The following ANAPC16 variants were observed in gnomAD, a reference collection of about 807,000 sequenced individuals.
The protein encoded by ANAPC16 is anaphase-promoting complex subunit 16.
In ANAPC16, 6 loss-of-function variants were observed where a neutral mutation model predicts 13.1. The ratio of observed to expected loss-of-function variants is 0.46; its 90% CI spans 0.25 to 0.90. ANAPC16 has a LOEUF of 0.90. ANAPC16 is among the 40% of genes least tolerant of loss of function. ANAPC16 has a pLI of 0.18. For synonymous variants in ANAPC16, 55 were observed against 51.3 expected, an observed-to-expected ratio of 1.07 and a Z score of -0.31; for missense variants, 113 against 131.1, an observed-to-expected ratio of 0.86 and a Z score of 0.67.
chr10:72,224,542 G>A (rs753017805), intron 2 of ANAPC16, among the ~76,000 whole-genome samples: 6 of 151,782 alleles, frequency 4.0e-5, no homozygotes, highest in Non-Finnish European at 8.8e-5. Context: ...GAACCTGGGA[G>A]GTAGAAGTTG....
intron 1 of ANAPC16, among the ~76,000 whole-genome samples, chr10:72,221,547 CTTTT>C (rs910872494): frequency 1.1e-5 from 1 of 91,350 alleles, no homozygotes; most frequent in Non-Finnish European, 2.1e-5. Context: ...TTTTTCTTTT[CTTTT>C]TTTTTTTTTT....
At chr10:72,228,602 A>G (rs575724751) in intron 2 of ANAPC16, among the ~76,000 whole-genome samples, 1 of 152,230 alleles carries the variant, frequency 6.6e-6, no homozygotes, top group East Asian at 1.9e-4. Flanking sequence ...ACAGTTTCTA[A>G]ATGGAAGAGA....
intron 1 of ANAPC16, among the ~76,000 whole-genome samples, chr10:72,217,522 CCCT>C (rs1195919846): frequency 5.3e-5 from 8 of 151,448 alleles, no homozygotes; most frequent in Non-Finnish European, 7.4e-5. Flanking sequence ...AAGGCACTGG[CCCT>C]CCTCCTGAAC....
In ANAPC16 at chr10:72,233,102, C is replaced by T. The variant is rs1219678101; in HGVS notation, c.319C>T (p.Pro107Ser). Reference sequence around the variant, plus strand: ...CATCGAGCAGCTGCTGGGATTCACCCCCTCTTCAGGTTGATACTGCCTGGA... The same window carrying T: ...CATCGAGCAGCTGCTGGGATTCACCTCCTCTTCAGGTTGATACTGCCTGGA... ...KPIEQLLGFTPSSG is the reference protein window; with the variant it reads ...KPIEQLLGFTSSSG The change falls in exon 4 of 4, where the codon CCC (proline) becomes TCC (serine). Residue 107 changes from proline to serine, a missense_variant. Physicochemically the swap from Pro to Ser is moderately conservative, Grantham distance 74. Coordinates refer to ENST00000299381, the MANE Select transcript of ANAPC16 (RefSeq NM_173473.4). The T allele has an allele frequency of 1.2e-6, 2 of 1,613,966 alleles. No individual in the cohort carries two copies. Among genetic ancestry groups the T allele is most frequent in the Admixed American group, 3.3e-5 (2 of 59,998 alleles).
At position 72,233,559 on chromosome 10, in the gene ANAPC16, G is replaced by A. The variant is rs1860390187; in HGVS notation, c.*443G>A. On this transcript the variant is annotated 3_prime_UTR_variant, in exon 4 of 4. Coordinates refer to ENST00000299381, the MANE Select transcript of ANAPC16 (RefSeq NM_173473.4). The stretch of plus-strand genomic sequence containing the variant: ...TAAAAAAGTTATTTTGCAGATGAAT[G>A]TGTTTTCAACTCAGGACCTATCCAA... The A allele has an allele frequency of 6.5e-6, 1 of 152,698 alleles. No individual in the cohort carries two copies. The highest frequency in any genetic ancestry group is 1.5e-5 in the Non-Finnish European group (1 of 67,484). 9.5% of individuals were successfully genotyped at this position (152,698 alleles called of 1,614,324 possible).
At chr10:72,231,199 C>G (rs185079639) in intron 3 of ANAPC16, among the ~76,000 whole-genome samples, 269 of 152,190 alleles carry the variant, frequency 1.8e-3, no homozygotes, top group African/African-American at 6.2e-3. Context: ...GGATTTTAGT[C>G]CACAAATCAC....
At chr10:72,231,382 A>T (rs1375044978) in intron 3 of ANAPC16, among the ~76,000 whole-genome samples, 1 of 152,050 alleles carries the variant, frequency 6.6e-6, no homozygotes, top group Admixed American at 6.6e-5. Context: ...TAAAAAAAGA[A>T]AATACAAAAA....
chr10:72,227,876 CAAA>C (rs57330798), intron 2 of ANAPC16, among the ~76,000 whole-genome samples: 11 of 76,598 alleles, frequency 1.4e-4, no homozygotes, highest in African/African-American at 3.5e-4. Context: ...ACTAAAAATA[CAAA>C]AAAAAAAAAA....
intron 1 of ANAPC16, among the ~76,000 whole-genome samples, chr10:72,218,157 AAAAAAAAAATATATATAT>A (rs1433266712): frequency 4.0e-4 from 20 of 50,262 alleles, no homozygotes; most frequent in Admixed American, 1.9e-3. Flanking sequence ...AAAAAAAAAA[AAAAAAAAAATATATATAT>A]ATATATATAT....
intron 3 of ANAPC16, among the ~76,000 whole-genome samples, chr10:72,231,915 G>A (rs1023652964): frequency 1.1e-4 from 17 of 151,914 alleles, no homozygotes; most frequent in Non-Finnish European, 1.6e-4. Context: ...GGCCGGGCAC[G>A]GTGGCTCATG....
At chr10:72,224,353 C>A (rs1269744124) in intron 2 of ANAPC16, among the ~76,000 whole-genome samples, 1 of 152,164 alleles carries the variant, frequency 6.6e-6, no homozygotes, top group Non-Finnish European at 1.5e-5. Context: ...TGGCTCACTC[C>A]TGTTATCCCA....
At chr10:72,221,449 A>G (rs1034328131) in intron 1 of ANAPC16, among the ~76,000 whole-genome samples, 1 of 152,064 alleles carries the variant, frequency 6.6e-6, no homozygotes, top group Non-Finnish European at 1.5e-5. Context: ...ACATGAAGCT[A>G]CTGGCAACCA....
chr10:72,218,880 T>C (rs1171829551), intron 1 of ANAPC16, among the ~76,000 whole-genome samples: 1 of 152,164 alleles, frequency 6.6e-6, no homozygotes, highest in African/African-American at 2.4e-5. Flanking sequence ...CCTGGCTGTT[T>C]TGTGTGTGGA....
intron 2 of ANAPC16, among the ~76,000 whole-genome samples, chr10:72,228,911 A>T (rs1459664745): frequency 6.6e-6 from 1 of 152,190 alleles, no homozygotes; most frequent in African/African-American, 2.4e-5. Flanking sequence ...GAGAGGTGGC[A>T]CTTTCAGGAG....
At position 72,233,025 on chromosome 10, in the gene ANAPC16, A is replaced by G. The variant is rs1342557088; in HGVS notation, c.242A>G (p.Lys81Arg). 1.9e-6 allele frequency: 3 copies of G among 1,614,150 alleles called. No individual in the cohort carries two copies. The highest frequency in any genetic ancestry group is 2.5e-6 in the Non-Finnish European group (3 of 1,180,008). Residue 81 changes from lysine to arginine, a missense_variant, in exon 4 of 4, where the codon AAA (lysine) becomes AGA (arginine). Physicochemically the swap from Lys to Arg is conservative, Grantham distance 26 (BLOSUM62 2). Coordinates refer to ENST00000299381, the MANE Select transcript of ANAPC16 (RefSeq NM_173473.4). ...KHDQQVARMEKLAGLVEELEA... is the reference protein window; with the variant it reads ...KHDQQVARMERLAGLVEELEA... ...GATCAGCAAGTTGCTCGGATGGAAA[A>G]ACTAGCTGGTTTGGTAGAAGAGCTG... is the stretch of plus-strand genomic sequence containing the variant.
Position 72,234,111 on chromosome 10 carries a change from A to G in ANAPC16, c.*995A>G, listed in dbSNP as rs761391492. ...AACATCCACCTCCCAGGTTCAAGCA[A>G]TTCTCCTGCCTCAGCCTCCCAAGTA... On this transcript the variant is annotated 3_prime_UTR_variant, in exon 4 of 4. Transcript: ENST00000299381. 3 of 152,046 alleles carry G rather than the reference A, an allele frequency of 2.0e-5. No individual in the cohort carries two copies. Among genetic ancestry groups the G allele is most frequent in the African/African-American group, 7.3e-5 (3 of 41,368 alleles). 9.4% of individuals were successfully genotyped at this position (152,046 alleles called of 1,614,324 possible).
Position 72,233,244 on chromosome 10 carries a change from GT to G in ANAPC16, c.*131del, listed in dbSNP as rs1256644080. On this transcript the variant is annotated 3_prime_UTR_variant, in exon 4 of 4. Coordinates refer to ENST00000299381, the MANE Select transcript of ANAPC16 (RefSeq NM_173473.4). ...AATTGTTAATGCACATTTGTACTTG[GT>G]TTCTCTGTATCTATTCACAGGCAAC... The G allele has an allele frequency of 9.2e-6, 6 of 655,720 alleles. No homozygotes were observed. Among genetic ancestry groups the G allele is most frequent in the Non-Finnish European group, 8.0e-6 (3 of 374,806 alleles). 40.6% of individuals were successfully genotyped at this position (655,720 alleles called of 1,614,324 possible). A position where few individuals can be genotyped will look rare whatever the true frequency, so the allele number is the denominator to read the frequency against.
chr10:72,218,158 AAAAAAAAATATATATATATATATAT>A (rs1211568187), intron 1 of ANAPC16, among the ~76,000 whole-genome samples: 5 of 46,784 alleles, frequency 1.1e-4, no homozygotes, highest in Non-Finnish European at 1.5e-4. Flanking sequence ...AAAAAAAAAA[AAAAAAAAATATATATATATATATAT>A]ATATATATAT....
intron 1 of ANAPC16, chr10:72,217,013 T>TG (rs1339435720): frequency 4.4e-6 from 2 of 454,830 alleles, no homozygotes; most frequent in Non-Finnish European, 8.8e-6. Flanking sequence ...GCATGACCTT[T>TG]GCTGAGCTGC....
Sources: allele counts gnomAD v4.1 joint callset (sites outside exome capture counted in the v4.1 genomes callset), GRCh38; gene constraint gnomAD v4.1.1; transcripts MANE v1.5; gene names NCBI Gene and HGNC (gene_info 2026-07-23, HGNC 2026-07-21).